Variants in SHISA9 observed in about 807,000 individuals in gnomAD.
SHISA9 encodes the protein shisa family member 9.
Under a neutral mutation model 38.0 loss-of-function variants are expected in SHISA9, and 13 were observed. The ratio of observed to expected loss-of-function variants is 0.34; its 90% CI spans 0.22 to 0.54. The LOEUF (loss-of-function observed/expected upper bound fraction) is 0.54, where lower values mean the gene tolerates loss of function less well. SHISA9 is among the 20% of genes least tolerant of loss of function. The pLI, the probability that SHISA9 is intolerant of heterozygous loss-of-function variation, is 0.91. For synonymous variants in SHISA9, 275 were observed against 242.0 expected (o/e 1.14, Z -1.27); for missense variants, 538 against 575.8 (o/e 0.93, Z 0.67).
At chr16:13,080,330 G>T (rs142613602) in intron 2 of SHISA9, among the ~76,000 whole-genome samples, 1,784 of 152,258 alleles carry the variant, frequency 0.012, 29 homozygotes, top group African/African-American at 0.039. Context: ...CCTAGATTGC[G>T]CCACTGCACT....
chr16:13,448,997 T>C, the SHISA9 span, among the ~76,000 whole-genome samples: 1 of 152,196 alleles, frequency 6.6e-6, no homozygotes, highest in African/African-American at 2.4e-5. Flanking sequence ...AGACAGAGCT[T>C]TATGAAAAAG....
chr16:13,456,199 C>T, the SHISA9 span, among the ~76,000 whole-genome samples: 10 of 152,196 alleles, frequency 6.6e-5, no homozygotes, highest in African/African-American at 2.4e-4. Flanking sequence ...TCACTATGTC[C>T]GGGACACATG....
chr16:13,432,285 A>G, the SHISA9 span, among the ~76,000 whole-genome samples: 5 of 152,188 alleles, frequency 3.3e-5, no homozygotes, highest in Non-Finnish European at 1.5e-5. Context: ...TTTAGCATAG[A>G]TGCCTGTTCC....
At chr16:13,558,912 G>A in the SHISA9 span, among the ~76,000 whole-genome samples, 1 of 152,210 alleles carries the variant, frequency 6.6e-6, no homozygotes, top group Non-Finnish European at 1.5e-5. Context: ...GAATGATTGT[G>A]AAAGTGTCAC....
chr16:13,052,765 T>TA (rs1013959590), intron 2 of SHISA9, among the ~76,000 whole-genome samples: 9 of 151,940 alleles, frequency 5.9e-5, no homozygotes, highest in East Asian at 1.9e-4. Flanking sequence ...AAAACAGATT[T>TA]AAAAAAAATG....
At chr16:13,400,363 AACAC>A in the SHISA9 span, among the ~76,000 whole-genome samples, 68,553 of 150,804 alleles carry the variant, frequency 0.45, 15,890 homozygotes, top group African/African-American at 0.54. Context: ...CCTCTGTTCC[AACAC>A]ACACACACAC....
chr16:13,454,982 T>C, the SHISA9 span, among the ~76,000 whole-genome samples: 12 of 151,244 alleles, frequency 7.9e-5, no homozygotes, highest in African/African-American at 1.2e-4. Context: ...AATCTCACTA[T>C]TGCAATCACA....
the SHISA9 span, among the ~76,000 whole-genome samples, chr16:13,413,637 T>A: frequency 2.1e-4 from 32 of 151,634 alleles, no homozygotes; most frequent in Non-Finnish European, 1.9e-4. Context: ...GTGCCTGTAA[T>A]CCCAGCTGCT....
At chr16:13,262,673 G>GAA in the SHISA9 span, among the ~76,000 whole-genome samples, 78 of 133,812 alleles carry the variant, frequency 5.8e-4, no homozygotes, top group Non-Finnish European at 7.4e-4. Flanking sequence ...AGGAAGGAAG[G>GAA]GAGGGAGGAA....
the SHISA9 span, among the ~76,000 whole-genome samples, chr16:13,547,674 C>A: frequency 3.9e-5 from 6 of 152,092 alleles, no homozygotes; most frequent in African/African-American, 1.4e-4. Flanking sequence ...TCTACTGATT[C>A]AAATTCTAAT....
At chr16:13,092,569 G>A (rs959684141) in intron 2 of SHISA9, among the ~76,000 whole-genome samples, 5 of 152,200 alleles carry the variant, frequency 3.3e-5, no homozygotes, top group East Asian at 3.8e-4. Flanking sequence ...CTCACATTTC[G>A]ATCTCAGACG....
chr16:13,062,823 G>A (rs1467073063), intron 2 of SHISA9, among the ~76,000 whole-genome samples: 5 of 152,058 alleles, frequency 3.3e-5, no homozygotes, highest in Non-Finnish European at 7.4e-5. Flanking sequence ...TTATTCCGAT[G>A]ATGGAGTTTC....
intron 2 of SHISA9, among the ~76,000 whole-genome samples, chr16:12,943,557 T>C (rs981649189): frequency 6.6e-6 from 1 of 152,186 alleles, no homozygotes; most frequent in Non-Finnish European, 1.5e-5. Flanking sequence ...AAATAAATGA[T>C]AAGATGTGTA....
At chr16:13,540,476 G>A in the SHISA9 span, among the ~76,000 whole-genome samples, 1 of 152,152 alleles carries the variant, frequency 6.6e-6, no homozygotes, top group Non-Finnish European at 1.5e-5. Context: ...GGCCTACACT[G>A]TTTCTCAGAA....
rs541144057 is a variant in SHISA9 at position 13,001,895 on chromosome 16, T to TA, written c.691+85086dup. Among the ~76,000 whole-genome samples the TA allele has an allele frequency of 3.2e-3, 489 of 152,268 alleles. 4 individuals carry two copies. The highest frequency in any genetic ancestry group is 0.011 in the African/African-American group (461 of 41,550). On this transcript the variant is annotated intron_variant, in intron 2 of 4. Coordinates refer to ENST00000558583, the MANE Select transcript of SHISA9 (RefSeq NM_001145204.3). ...GGAGGGTAGATGAATAAATAGGTGA[T>TA]AAAAAATGATAAAATGTTAAATGTG...
intron 2 of SHISA9, among the ~76,000 whole-genome samples, chr16:13,089,456 T>C (rs2073750484): frequency 6.6e-6 from 1 of 152,202 alleles, no homozygotes; most frequent in Non-Finnish European, 1.5e-5. Flanking sequence ...TGGTAGGCTA[T>C]TAATTATTGC....
chr16:13,161,984 A>G (rs755561817), intron 2 of SHISA9, among the ~76,000 whole-genome samples: 10 of 152,268 alleles, frequency 6.6e-5, no homozygotes, highest in Admixed American at 1.3e-4. Context: ...TAGGCTGTTA[A>G]TATTATGAAT....
chr16:13,424,031 T>C, the SHISA9 span, among the ~76,000 whole-genome samples: 21 of 152,232 alleles, frequency 1.4e-4, no homozygotes, highest in East Asian at 1.9e-4. Context: ...TTTGATGAAT[T>C]TGAAGGCAAT....
chr16:13,046,251 G>A (rs1052903565), intron 2 of SHISA9, among the ~76,000 whole-genome samples: 1 of 152,190 alleles, frequency 6.6e-6, no homozygotes, highest in African/African-American at 2.4e-5. Flanking sequence ...ACCTTATTGA[G>A]GGAGGCTGTA....
Sources: allele counts gnomAD v4.1 joint callset (sites outside exome capture counted in the v4.1 genomes callset), GRCh38; gene constraint gnomAD v4.1.1; transcripts MANE v1.5; gene names NCBI Gene and HGNC (gene_info 2026-07-23, HGNC 2026-07-21).